The following LAMA4 variants were observed in gnomAD, a reference collection of about 807,000 sequenced individuals.
LAMA4 encodes laminin subunit alpha 4.
In LAMA4, 127 loss-of-function variants were observed where a neutral mutation model predicts 207.1. The ratio of observed to expected loss-of-function variants is 0.61; its 90% CI spans 0.53 to 0.71. The LOEUF (loss-of-function observed/expected upper bound fraction) is 0.71, where lower values mean the gene tolerates loss of function less well. Ranked by LOEUF, LAMA4 falls within the 30% of genes least tolerant of loss-of-function variation. The probability of loss-of-function intolerance (pLI) is 0.00; values close to 1 mark genes in which losing one functional copy is unlikely to be tolerated. For synonymous variants in LAMA4, 761 were observed against 816.0 expected (o/e 0.93, Z 1.15); for missense variants, 2,093 against 2,246.5 (o/e 0.93, Z 1.38).
intron 5 of LAMA4, chr6:112,200,146 G>T: frequency 1.9e-6 from 1 of 533,330 alleles, no homozygotes; most frequent in Non-Finnish European, 3.8e-6. Flanking sequence ...GTCATTCAGT[G>T]GAAAGCCTCT....
At chr6:112,124,008 TTAACTC>T (rs1388774120) in intron 31 of LAMA4, among the ~76,000 whole-genome samples, 1 of 152,176 alleles carries the variant, frequency 6.6e-6, no homozygotes. Flanking sequence ...AGGAGATTCT[TTAACTC>T]TAATGTCTTA....
chr6:112,222,161 A>G (rs1784960072), intron 2 of LAMA4, among the ~76,000 whole-genome samples: 1 of 152,206 alleles, frequency 6.6e-6, no homozygotes, highest in African/African-American at 2.4e-5. Context: ...TTGAATCTGA[A>G]GACAATTACT....
rs545823485 is a variant in LAMA4, at chr6:112,172,366, A to G, written c.1551+245T>C. ...TTGCAAGAATAACAGACCCATACAC[A>G]TGGACACAAGCATCAGAACTACTGC... On this transcript the variant is annotated intron_variant, in intron 12 of 38. Transcript: ENST00000230538. 106 of 491,210 alleles carry G rather than the reference A, an allele frequency of 2.2e-4. No homozygotes were observed. In the East Asian group the frequency reaches 4.0e-3, roughly 18 times the overall value. The allele number at this position is 491,210 out of a possible 1,614,324, so 30.4% of individuals were successfully genotyped here. A position where few individuals can be genotyped will look rare whatever the true frequency, so the allele number is the denominator to read the frequency against.
chr6:112,119,231 A>C lies in LAMA4; in HGVS notation c.4746T>G (p.Thr1582=), dbSNP rs941191492. 7 of 1,614,020 alleles carry C rather than the reference A, an allele frequency of 4.3e-6. No homozygotes were observed. The part of the protein sequence containing the change: ...LRVLEESLPP[T]EATWKIKGPI... ...GACCCTTGATTTTCCAGGTAGCTTC[A>C]GTAGGAGGAAGACTTTCTTCTAGGA... The change falls in exon 34 of 39, where the codon ACT becomes ACG. Residue 1582 remains threonine (T), a synonymous_variant. Transcript: ENST00000230538.
chr6:112,244,035 G>A (rs2114399888), intron 2 of LAMA4, among the ~76,000 whole-genome samples: 1 of 152,292 alleles, frequency 6.6e-6, no homozygotes, highest in Admixed American at 6.5e-5. Context: ...CCCAGCCTGG[G>A]CAACAGAGCT....
intron 3 of LAMA4, among the ~76,000 whole-genome samples, chr6:112,215,738 G>A (rs1554358400): frequency 6.6e-6 from 1 of 152,166 alleles, no homozygotes; most frequent in East Asian, 1.9e-4. Flanking sequence ...TTTTCTGCTG[G>A]AAGACTTCTC....
chr6:112,159,994 G>A (rs1228304806), intron 13 of LAMA4, among the ~76,000 whole-genome samples: 1 of 152,008 alleles, frequency 6.6e-6, no homozygotes, highest in African/African-American at 2.4e-5. Flanking sequence ...TGTCTGGGTG[G>A]GCACAGCTGC....
In LAMA4 at chr6:112,150,236, G is replaced by C. The variant is rs75074576; in HGVS notation, c.2173+275C>G. On this transcript the variant is annotated intron_variant, in intron 17 of 38. Coordinates refer to ENST00000230538, the MANE Select transcript of LAMA4 (RefSeq NM_001105206.3). ...ACACACACACACACACACACACACAGACACACACAGACACACACACACAGA... is the reference window on the plus strand; with the variant it reads ...ACACACACACACACACACACACACACACACACACAGACACACACACACAGA... Among the ~76,000 whole-genome samples, 32,526 of 133,894 alleles carry C rather than the reference G, an allele frequency of 0.24. 3,731 individuals carry two copies. The highest frequency in any genetic ancestry group is 0.4 in the East Asian group (1,873 of 4,720). The allele number at this position is 133,894 out of a possible 152,430, so 87.8% of individuals were successfully genotyped here. A position where few individuals can be genotyped will look rare whatever the true frequency, so the allele number is the denominator to read the frequency against.
chr6:112,189,207 T>C lies in LAMA4; in HGVS notation c.719-2A>G, dbSNP rs863223691. 9.3e-6 allele frequency: 15 copies of C among 1,610,960 alleles called. No homozygotes were observed. Among genetic ancestry groups the C allele is most frequent in the African/African-American group, 6.7e-5 (5 of 74,862 alleles). On this transcript the variant is annotated splice_acceptor_variant, in intron 6 of 38. Transcript: ENST00000230538. LOFTEE classifies it high-confidence loss of function. Reference sequence around the variant, plus strand: ...ATGGGCCTCCCCCGCAGTTGCACACTGTGGGAAACAAAAACAAGAGACGAG... The same window carrying C: ...ATGGGCCTCCCCCGCAGTTGCACACCGTGGGAAACAAAAACAAGAGACGAG...
Position 112,178,160 on chromosome 6 carries a change from G to T in LAMA4, c.1150C>A (p.Leu384Met). 6.2e-7 allele frequency: 1 copy of T among 1,613,830 alleles called. No individual in the cohort carries two copies. The highest frequency in any genetic ancestry group is 8.5e-7 in the Non-Finnish European group (1 of 1,179,742). The change falls in exon 10 of 39, where the codon CTG becomes ATG. Residue 384 changes from leucine (L) to methionine (M), a missense_variant. Physicochemically the swap from Leu to Met is conservative, Grantham distance 15 (BLOSUM62 2). Transcript: ENST00000230538. Reference protein sequence around the residue: ...SMDTINHASQLVEQAHDMRDK... With the variant: ...SMDTINHASQMVEQAHDMRDK... The stretch of plus-strand genomic sequence containing the variant: ...CTCATATCATGGGCTTGCTCTACCA[G>T]CTGACTTGCGTGGTTAATGGTGTCC...
intron 2 of LAMA4, among the ~76,000 whole-genome samples, chr6:112,238,275 C>T (rs1554366784): frequency 2.0e-5 from 3 of 152,168 alleles, no homozygotes. Flanking sequence ...ATACTTGGCA[C>T]TTGCTGAGGT....
chr6:112,147,783 T>G (rs1780120664), intron 18 of LAMA4, among the ~76,000 whole-genome samples: 2 of 152,218 alleles, frequency 1.3e-5, no homozygotes, highest in Admixed American at 6.5e-5. Flanking sequence ...CAATGCCATT[T>G]AGTAATTTTT....
Position 112,132,772 on chromosome 6 carries a change from A to G in LAMA4, c.3815T>C (p.Leu1272Pro). 2 of 1,613,056 alleles carry G rather than the reference A, an allele frequency of 1.2e-6. No homozygotes were observed. The highest frequency in any genetic ancestry group is 1.7e-6 in the Non-Finnish European group (2 of 1,179,252). The stretch of plus-strand genomic sequence containing the variant: ...ACTTACCCCTGAAGCATAATAGAAT[A>G]GTAACCCATTTGGTTGTAATGTTCG... ...NFRTLQPNGL[L>P]FYYASGSDVF... The change falls in exon 28 of 39, where the codon CTA becomes CCA. Residue 1272 changes from leucine to proline, a missense_variant. Around this residue, in one of 3 missense-constraint regions of LAMA4, gnomAD observed 1,704 missense variants for 1,788.4 expected, o/e 0.95. Coordinates refer to ENST00000230538, the MANE Select transcript of LAMA4 (RefSeq NM_001105206.3).
chr6:112,202,893 G>T (rs970697112), intron 4 of LAMA4, among the ~76,000 whole-genome samples: 2 of 152,304 alleles, frequency 1.3e-5, no homozygotes, highest in Non-Finnish European at 2.9e-5. Flanking sequence ...TCTGCTAGGG[G>T]CATCTGGAGT....
At chr6:112,185,763 A>C (rs1043094204) in intron 8 of LAMA4, among the ~76,000 whole-genome samples, 23 of 152,204 alleles carry the variant, frequency 1.5e-4, no homozygotes, top group Non-Finnish European at 1.6e-4. Flanking sequence ...TCCTCATTTT[A>C]ATGCAAGTCT....
rs1395594385 is a variant in LAMA4, at chr6:112,117,073, C to A, written c.4981+666G>T. Among the ~76,000 whole-genome samples, 7 of 152,208 alleles carry A rather than the reference C, an allele frequency of 4.6e-5. No individual in the cohort carries two copies. The highest frequency in any genetic ancestry group is 2.0e-4 in the Admixed American group (3 of 15,278). The stretch of plus-strand genomic sequence containing the variant: ...AGAGGAGGGAACATGCAGCTTTATA[C>A]CCTTTCCTATCCTAATTCCGGGCAC... On this transcript the variant is annotated intron_variant, in intron 35 of 38. Transcript: ENST00000230538. The surrounding 1 kb of genome is among the most constrained non-coding windows in gnomAD (Gnocchi z 4.5).
At chr6:112,114,341 T>C in intron 37 of LAMA4, 146 bp from the exon 38 acceptor site, 1 of 762,512 alleles carries the variant, frequency 1.3e-6, no homozygotes. Context: ...TCATCAATGA[T>C]GTCTAACAAT....
At chr6:112,200,972 G>A (rs1207982183) in intron 5 of LAMA4, among the ~76,000 whole-genome samples, 1 of 151,440 alleles carries the variant, frequency 6.6e-6, no homozygotes. Context: ...CATGGCACGT[G>A]TATACCTATG....
chr6:112,220,544 G>T (rs144153657), intron 2 of LAMA4, among the ~76,000 whole-genome samples: 1 of 152,126 alleles, frequency 6.6e-6, no homozygotes. Flanking sequence ...CACTGCAGAA[G>T]GAATTATTTC....
Sources: gnomAD v4.1 joint callset for allele counts (sites outside exome capture counted in the v4.1 genomes callset) on GRCh38, gnomAD v4.1.1 for gene constraint, gnomAD v4.1.1 regional missense constraint, Gnocchi (gnomAD v3.1) non-coding constraint, MANE v1.5 for transcripts, NCBI Gene and HGNC (gene_info 2026-07-23, HGNC 2026-07-21) for gene names.